ZNF608: variants seen among roughly 807,000 people sequenced by gnomAD.
ZNF608 encodes the protein zinc finger protein 608.
ZNF608 carries 12 observed loss-of-function variants against 109.0 expected under a neutral mutation model. The ratio of observed to expected loss-of-function variants is 0.11; its 90% CI spans 0.07 to 0.18. ZNF608 has a LOEUF of 0.18. Ranked by LOEUF, ZNF608 falls within the 10% of genes least tolerant of loss-of-function variation. The probability of loss-of-function intolerance (pLI) is 1.00; values close to 1 mark genes in which losing one functional copy is unlikely to be tolerated. For missense variants in ZNF608, 1,707 were observed against 1,879.3 expected (o/e 0.91, Z 1.70); for synonymous variants, 732 against 717.4 (o/e 1.02, Z -0.33).
At chr5:124,687,155 CTAA>C (rs1257957193) in intron 3 of ZNF608, among the ~76,000 whole-genome samples, 2 of 152,138 alleles carry the variant, frequency 1.3e-5, no homozygotes, top group Non-Finnish European at 2.9e-5. Flanking sequence ...CTAGGAAAGA[CTAA>C]TAATATTAGA....
At chr5:124,706,535 T>C (rs975716624) in intron 2 of ZNF608, among the ~76,000 whole-genome samples, 10 of 152,206 alleles carry the variant, frequency 6.6e-5, no homozygotes, top group Admixed American at 5.2e-4. Flanking sequence ...TCTAATCAGA[T>C]ATTCCTCATT....
At position 124,673,133 on chromosome 5, in the gene ZNF608, C is replaced by T. The variant is rs150148575; in HGVS notation, c.1163-23436G>A. On this transcript the variant is annotated intron_variant, in intron 3 of 9. Transcript: ENST00000513986. The stretch of plus-strand genomic sequence containing the variant: ...AACTATCAGGTCCCAATACCCACCC[C>T]GCATCCCCACCATCAGTATGAGCAT... Among the ~76,000 whole-genome samples, 1,049 of 152,262 alleles carry T rather than the reference C, an allele frequency of 6.9e-3. 6 individuals carry two copies. The highest frequency in any genetic ancestry group is 0.011 in the Non-Finnish European group (722 of 68,006).
intron 8 of ZNF608, among the ~76,000 whole-genome samples, chr5:124,639,890 C>T (rs1262688969): frequency 6.6e-6 from 1 of 152,090 alleles, no homozygotes; most frequent in East Asian, 1.9e-4. Context: ...ATTTTCTTTT[C>T]CCAGAGGTAA....
At chr5:124,728,587 T>C (rs1748737917) in intron 2 of ZNF608, among the ~76,000 whole-genome samples, 1 of 152,200 alleles carries the variant, frequency 6.6e-6, no homozygotes, top group Admixed American at 6.5e-5. Context: ...TTCGTTACCA[T>C]GCAAGACAAC....
chr5:124,660,904 G>A (rs544611296), intron 3 of ZNF608, among the ~76,000 whole-genome samples: 3 of 152,156 alleles, frequency 2.0e-5, no homozygotes, highest in South Asian at 2.1e-4. Context: ...AAGCCCTCCC[G>A]CATTCCTCCC....
chr5:124,639,555 G>C (rs1490022674), intron 8 of ZNF608, among the ~76,000 whole-genome samples: 1 of 152,220 alleles, frequency 6.6e-6, no homozygotes, highest in Non-Finnish European at 1.5e-5. Flanking sequence ...AAAAGTCACA[G>C]TGAATTACAG....
At chr5:124,746,918 A>G, upstream of ZNF608, 1 of 125,874 alleles carries the variant, frequency 7.9e-6, no homozygotes, top group Non-Finnish European at 1.4e-5. Flanking sequence ...CTGATAAACC[A>G]GTTATAACAG....
rs1159690150 is a variant in ZNF608, at chr5:124,670,663, G to T, written c.1163-20966C>A. On this transcript the variant is annotated intron_variant, in intron 3 of 9. Coordinates refer to ENST00000513986, the MANE Select transcript of ZNF608 (RefSeq NM_020747.3). The stretch of plus-strand genomic sequence containing the variant: ...ACACTTTTCATTAAGTTTATCAAAG[G>T]CCCTTTCTTTTCTTTTAAAACTATA... 2.6e-5 allele frequency among the ~76,000 whole-genome samples: 4 copies of T among 151,986 alleles called. No individual in the cohort carries two copies. In the South Asian group the frequency reaches 6.2e-4, roughly 24 times the overall value.
chr5:124,718,019 A>G (rs2149875419), intron 2 of ZNF608, among the ~76,000 whole-genome samples: 2 of 152,306 alleles, frequency 1.3e-5, no homozygotes, highest in Middle Eastern at 3.4e-3. Context: ...ATGGCTGAGC[A>G]ATTGGTGCTC....
intron 2 of ZNF608, among the ~76,000 whole-genome samples, chr5:124,712,370 G>T (rs985514421): frequency 1.3e-5 from 2 of 152,184 alleles, no homozygotes; most frequent in Admixed American, 6.5e-5. Flanking sequence ...CGAATGGACA[G>T]AATTAGATCA....
At chr5:124,672,598 A>G (rs749953255) in intron 3 of ZNF608, among the ~76,000 whole-genome samples, 3 of 152,222 alleles carry the variant, frequency 2.0e-5, no homozygotes, top group Non-Finnish European at 4.4e-5. Context: ...ACAGATCTTC[A>G]GTATAGTTGT....
chr5:124,657,271 A>G (rs1008842139), intron 3 of ZNF608, among the ~76,000 whole-genome samples: 1 of 152,190 alleles, frequency 6.6e-6, no homozygotes, highest in Non-Finnish European at 1.5e-5. Flanking sequence ...TGCACCGCAC[A>G]TATAGATGGT....
intron 3 of ZNF608, among the ~76,000 whole-genome samples, chr5:124,698,110 T>G (rs1168814120): frequency 6.6e-6 from 1 of 152,172 alleles, no homozygotes; most frequent in African/African-American, 2.4e-5. Context: ...AAAACTATTG[T>G]AGCTTACTCT....
At chr5:124,659,635 C>G (rs1166891573) in intron 3 of ZNF608, among the ~76,000 whole-genome samples, 1 of 152,202 alleles carries the variant, frequency 6.6e-6, no homozygotes, top group Non-Finnish European at 1.5e-5. Flanking sequence ...TCCTCACAAA[C>G]CCACCACCTC....
chr5:124,639,871 T>C (rs1305756107), intron 8 of ZNF608, among the ~76,000 whole-genome samples: 1 of 152,210 alleles, frequency 6.6e-6, no homozygotes, highest in African/African-American at 2.4e-5. Flanking sequence ...AGGTCTTTTA[T>C]TTGGATATAT....
chr5:124,647,079 C>A lies in ZNF608; in HGVS notation c.3305G>T (p.Arg1102Ile), dbSNP rs1750546334. The A allele has an allele frequency of 6.2e-7, 1 of 1,614,006 alleles. No individual in the cohort carries two copies. Among genetic ancestry groups the A allele is most frequent in the South Asian group, 1.1e-5 (1 of 91,082 alleles). Reference protein sequence around the residue: ...KSLMATSPAYRQQYEKYYEDQ... With the variant: ...KSLMATSPAYIQQYEKYYEDQ... ...CTCATAGTACTTCTCATACTGCTGT[C>A]TATAGGCAGGGCTGGTGGCCATCAG... The change falls in exon 5 of 10, where the codon AGA becomes ATA. Residue 1102 changes from arginine to isoleucine, a missense_variant. By Grantham distance (97) the Arg-to-Ile change is moderately conservative. Coordinates refer to ENST00000513986, the MANE Select transcript of ZNF608 (RefSeq NM_020747.3).
Position 124,744,140 on chromosome 5 carries a change from T to G in ZNF608, c.850A>C (p.Lys284Gln), listed in dbSNP as rs750672847. The G allele has an allele frequency of 3.1e-6, 5 of 1,611,196 alleles. No homozygotes were observed. Among genetic ancestry groups the G allele is most frequent in the Admixed American group, 3.3e-5 (2 of 59,750 alleles). The change falls in exon 2 of 10, where the codon AAG becomes CAG. Residue 284 changes from lysine (K) to glutamine (Q), a missense_variant. By Grantham distance (53) the Lys-to-Gln change is moderately conservative. Around this residue, in one of 7 missense-constraint regions of ZNF608, gnomAD observed 407 missense variants for 398.7 expected, o/e 1.02. Coordinates refer to ENST00000513986, the MANE Select transcript of ZNF608 (RefSeq NM_020747.3). This position sits in a 1 kb window ranked among gnomAD's most constrained non-coding sequence, Gnocchi z 4.5. ...TGGCTCTCCTCCTCCTCCTCTTCCT[T>G]CTTTACCAACATAGAGTTTCCCATG... ...GLMGNSMLVKKEEEEEESHRR... is the reference protein window; with the variant it reads ...GLMGNSMLVKQEEEEEESHRR...
intron 2 of ZNF608, among the ~76,000 whole-genome samples, chr5:124,732,994 T>C (rs73298967): frequency 0.032 from 4,921 of 151,698 alleles, 215 homozygotes; most frequent in African/African-American, 0.1. Context: ...TAGGCAGTTC[T>C]CTCCATTAAA....
chr5:124,670,670 C>G lies in ZNF608; in HGVS notation c.1163-20973G>C, dbSNP rs558032000. Among the ~76,000 whole-genome samples the G allele has an allele frequency of 2.6e-5, 4 of 152,204 alleles. No individual in the cohort carries two copies. In the East Asian group the frequency reaches 7.7e-4, roughly 29 times the overall value. ...TCATTAAGTTTATCAAAGGCCCTTT[C>G]TTTTCTTTTAAAACTATAAGAGACA... is the stretch of plus-strand genomic sequence containing the variant. On this transcript the variant is annotated intron_variant, in intron 3 of 9. Coordinates refer to ENST00000513986, the MANE Select transcript of ZNF608 (RefSeq NM_020747.3).
Sources: allele counts gnomAD v4.1 joint callset (sites outside exome capture counted in the v4.1 genomes callset), GRCh38; gene constraint gnomAD v4.1.1; regional missense constraint gnomAD v4.1.1; non-coding constraint Gnocchi (gnomAD v3.1); transcripts MANE v1.5; gene names NCBI Gene and HGNC (gene_info 2026-07-23, HGNC 2026-07-21).